Variants in PTK7 observed in about 807,000 individuals in gnomAD.
The protein encoded by PTK7 is inactive tyrosine-protein kinase 7.
PTK7 carries 39 observed loss-of-function variants against 116.6 expected under a neutral mutation model. The ratio of observed to expected loss-of-function variants is 0.33; its 90% confidence interval spans 0.26 to 0.44. The LOEUF (loss-of-function observed/expected upper bound fraction) is 0.44, where lower values mean the gene tolerates loss of function less well. PTK7 is among the 20% of genes least tolerant of loss of function. The pLI, the probability that PTK7 is intolerant of heterozygous loss-of-function variation, is 1.00. For synonymous variants in PTK7, 546 were observed against 563.6 expected (o/e 0.97, Z 0.44); for missense variants, 1,169 against 1,425.6 (o/e 0.82, Z 2.90).
chr6:43,146,679 C>A lies in PTK7; in HGVS notation c.2702C>A (p.Pro901His), dbSNP rs1171362129. 1.2e-6 allele frequency: 2 copies of A among 1,612,900 alleles called. No homozygotes were observed. The highest frequency in any genetic ancestry group is 1.3e-5 in the African/African-American group (1 of 74,786). ...AAGGATGAAAAATTGAAGTCACAGC[C>A]CCTCAGCACCAAGCAGAAGGTGAGG... ...KSKDEKLKSQ[P>H]LSTKQKVALC... The change falls in exon 17 of 20, where the codon CCC becomes CAC. Residue 901 changes from proline (P) to histidine (H), a missense_variant. By Grantham distance (77) the Pro-to-His change is moderately conservative. Transcript: ENST00000230419.
chr6:43,129,114 C>A lies in PTK7; in HGVS notation c.217C>A (p.Gln73Lys). 6.2e-7 allele frequency: 1 copy of A among 1,614,194 alleles called. No homozygotes were observed. Among genetic ancestry groups the A allele is most frequent in the Non-Finnish European group, 8.5e-7 (1 of 1,180,026 alleles). ...VYWLLDGAPV[Q>K]DTERRFAQGS... ...CTGGCTGCTCGATGGGGCCCCTGTCCAGGACACGGAGCGGCGTTTCGCCCA... is the reference window on the plus strand; with the variant it reads ...CTGGCTGCTCGATGGGGCCCCTGTCAAGGACACGGAGCGGCGTTTCGCCCA... The change falls in exon 2 of 20, where the codon CAG becomes AAG. Residue 73 changes from glutamine to lysine, a missense_variant. This residue lies in a region of PTK7 where 487 missense variants were observed against 549.8 expected (regional missense o/e 0.89). Coordinates refer to ENST00000230419, the MANE Select transcript of PTK7 (RefSeq NM_002821.5). The surrounding 1 kb of genome is among the most constrained non-coding windows in gnomAD (Gnocchi z 4.5).
At chr6:43,157,745 A>G (rs1459521376) in intron 17 of PTK7, among the ~76,000 whole-genome samples, 1 of 151,746 alleles carries the variant, frequency 6.6e-6, no homozygotes, top group East Asian at 2.0e-4. Context: ...ATATTTTTTG[A>G]GATGGAGTTT....
Position 43,130,262 on chromosome 6 carries a change from C to A in PTK7, c.503C>A (p.Pro168His), listed in dbSNP as rs771737936. 14 of 1,600,288 alleles carry A rather than the reference C, an allele frequency of 8.7e-6. No individual in the cohort carries two copies. The highest frequency in any genetic ancestry group is 7.7e-6 in the Non-Finnish European group (9 of 1,170,680). ...TACCAATGGTTCCGAGATGGGACCCCCCTTTCTGATGGTCAGAGCAACCAC... is the reference window on the plus strand; with the variant it reads ...TACCAATGGTTCCGAGATGGGACCCACCTTTCTGATGGTCAGAGCAACCAC... ...PTYQWFRDGTPLSDGQSNHTV... is the reference protein window; with the variant it reads ...PTYQWFRDGTHLSDGQSNHTV... Residue 168 changes from proline (P) to histidine (H), a missense_variant, in exon 4 of 20, where the codon CCC (proline) becomes CAC (histidine). This residue lies in a region of PTK7 where 487 missense variants were observed against 549.8 expected (regional missense o/e 0.89). Transcript: ENST00000230419.
At chr6:43,110,137 C>T (rs1387114261) in intron 1 of PTK7, among the ~76,000 whole-genome samples, 5 of 151,466 alleles carry the variant, frequency 3.3e-5, no homozygotes, top group Admixed American at 6.6e-5. Context: ...GCTGGGATTA[C>T]AGGCGCGCAA....
chr6:43,141,609 T>C lies in PTK7; in HGVS notation c.1619-59T>C. ...GAGTAGAGGTGAGGGACTGAAGGCATTGCCAGCTGTCTGTGTAACCCTGAT... is the reference window on the plus strand; with the variant it reads ...GAGTAGAGGTGAGGGACTGAAGGCACTGCCAGCTGTCTGTGTAACCCTGAT... On this transcript the variant is annotated intron_variant, in intron 10 of 19. Coordinates refer to ENST00000230419, the MANE Select transcript of PTK7 (RefSeq NM_002821.5). This position sits in a 1 kb window ranked among gnomAD's most constrained non-coding sequence, Gnocchi z 4.9. 2.6e-6 allele frequency: 4 copies of C among 1,563,294 alleles called. No individual in the cohort carries two copies. In the African/African-American group the frequency reaches 4.0e-5, roughly 16 times the overall value.
At chr6:43,160,532 G>A (rs946350853) in intron 19 of PTK7, among the ~76,000 whole-genome samples, 189 bp from the exon 20 acceptor site, 1 of 152,132 alleles carries the variant, frequency 6.6e-6, no homozygotes, top group Non-Finnish European at 1.5e-5. Context: ...CATGGACCCC[G>A]TCCTACCAGC....
chr6:43,123,157 A>C (rs534039870), intron 1 of PTK7, among the ~76,000 whole-genome samples: 34 of 151,452 alleles, frequency 2.2e-4, no homozygotes, highest in Non-Finnish European at 4.6e-4. Context: ...TTCTTTTACC[A>C]TGTTGGCCAA....
chr6:43,148,936 G>A (rs1170381408), intron 17 of PTK7, among the ~76,000 whole-genome samples: 5 of 150,902 alleles, frequency 3.3e-5, no homozygotes, highest in Non-Finnish European at 7.4e-5. Flanking sequence ...GTAGGTGCCT[G>A]TAATCCAAGC....
At chr6:43,091,342 G>C (rs997104335) in intron 1 of PTK7, among the ~76,000 whole-genome samples, 2 of 151,744 alleles carry the variant, frequency 1.3e-5, no homozygotes, top group African/African-American at 4.8e-5. Context: ...GTATATTTTT[G>C]TTTTAGTAGA....
chr6:43,148,670 T>C (rs1246361264), intron 17 of PTK7, among the ~76,000 whole-genome samples: 1 of 152,128 alleles, frequency 6.6e-6, no homozygotes, highest in Non-Finnish European at 1.5e-5. Flanking sequence ...TTTCACACTT[T>C]TTTGCCATAG....
At chr6:43,115,755 G>A (rs1246041490) in intron 1 of PTK7, among the ~76,000 whole-genome samples, 2 of 151,964 alleles carry the variant, frequency 1.3e-5, no homozygotes, top group East Asian at 1.9e-4. Context: ...TGACCAACAT[G>A]GAAAAACCCT....
intron 1 of PTK7, among the ~76,000 whole-genome samples, chr6:43,091,502 A>T (rs1582069861): frequency 6.6e-6 from 1 of 152,160 alleles, no homozygotes; most frequent in African/African-American, 2.4e-5. Flanking sequence ...TAATAATACC[A>T]GTCTCGTTAG....
At chr6:43,150,825 A>G (rs3793010) in intron 17 of PTK7, among the ~76,000 whole-genome samples, 55,821 of 109,146 alleles carry the variant, frequency 0.51, 16,389 homozygotes, top group African/African-American at 0.77. Flanking sequence ...TTCCCGAGAC[A>G]GAGTCTCGCT....
At chr6:43,140,045 T>C in intron 10 of PTK7, among the ~76,000 whole-genome samples, 1 of 150,680 alleles carries the variant, frequency 6.6e-6, no homozygotes, top group East Asian at 2.0e-4. Context: ...ACCCAGGAGG[T>C]GGAGGCTGCA....
In PTK7 at chr6:43,129,274, A is replaced by G. The variant is rs1266724930; in HGVS notation, c.367+10A>G. Reference sequence around the variant, plus strand: ...TCCTTCAACATCAAATGTGAGAGCCAGGGGGGCTGTGCCCAGTCCCCCTGT... The same window carrying G: ...TCCTTCAACATCAAATGTGAGAGCCGGGGGGGCTGTGCCCAGTCCCCCTGT... On this transcript the variant is annotated intron_variant, in intron 2 of 19. Coordinates refer to ENST00000230419, the MANE Select transcript of PTK7 (RefSeq NM_002821.5). The surrounding 1 kb of genome is among the most constrained non-coding windows in gnomAD (Gnocchi z 4.5). 7 of 1,613,840 alleles carry G rather than the reference A, an allele frequency of 4.3e-6. No homozygotes were observed. Among genetic ancestry groups the G allele is most frequent in the South Asian group, 3.3e-5 (3 of 91,064 alleles).
At chr6:43,101,243 AAG>A (rs773080130) in intron 1 of PTK7, among the ~76,000 whole-genome samples, 13 of 139,084 alleles carry the variant, frequency 9.3e-5, no homozygotes, top group Non-Finnish European at 1.7e-4. Context: ...GAAAGAAAGA[AAG>A]AGGCTGGGCG....
Position 43,084,089 on chromosome 6 carries a change from C to G in PTK7, c.79+7522C>G, listed in dbSNP as rs567809125. Among the ~76,000 whole-genome samples, 8 of 152,214 alleles carry G rather than the reference C, an allele frequency of 5.3e-5. No homozygotes were observed. The East Asian group carries it at 1.5e-3, about 29-fold the overall frequency. On this transcript the variant is annotated intron_variant, in intron 1 of 19. Coordinates refer to ENST00000230419, the MANE Select transcript of PTK7 (RefSeq NM_002821.5). ...TGTTGCTGTTTTTGAATAGCTGATC[C>G]AGTTACATAGGCCAGATTTCAAAAG... is the stretch of plus-strand genomic sequence containing the variant.
intron 1 of PTK7, among the ~76,000 whole-genome samples, chr6:43,104,567 C>T (rs150699783): frequency 1.3e-3 from 191 of 151,968 alleles, no homozygotes; most frequent in African/African-American, 4.2e-3. Context: ...CATGCCACCA[C>T]GCCTAGCTAA....
At chr6:43,131,029 TCACACACACACACACACACACA>T (rs3222659) in intron 5 of PTK7, among the ~76,000 whole-genome samples, 9 of 133,838 alleles carry the variant, frequency 6.7e-5, no homozygotes, top group Admixed American at 1.5e-4. Flanking sequence ...GGCAAAGACA[TCACACACACACACACACACACA>T]CACACACACA....
Sources: allele counts gnomAD v4.1 joint callset (sites outside exome capture counted in the v4.1 genomes callset), GRCh38; gene constraint gnomAD v4.1.1; regional missense constraint gnomAD v4.1.1; non-coding constraint Gnocchi (gnomAD v3.1); transcripts MANE v1.5; gene names NCBI Gene and HGNC (gene_info 2026-07-23, HGNC 2026-07-21).